The following FLI1 variants were observed in gnomAD, a reference collection of about 807,000 sequenced individuals.
FLI1 encodes Fli-1 proto-oncogene, ETS transcription factor.
FLI1 carries 13 observed loss-of-function variants against 53.1 expected under a neutral mutation model. The observed-to-expected ratio is 0.24, with a 90% CI of 0.16 to 0.39. FLI1 has a LOEUF of 0.39. Ranked by LOEUF, FLI1 falls within the 10% of genes least tolerant of loss-of-function variation. The probability of loss-of-function intolerance (pLI) is 1.00; values close to 1 mark genes in which losing one functional copy is unlikely to be tolerated. For synonymous variants in FLI1, 244 were observed against 236.7 expected, an observed-to-expected ratio of 1.03 and a Z score of -0.28; for missense variants, 424 against 600.5, an observed-to-expected ratio of 0.71 and a Z score of 3.07.
intron 2 of FLI1, among the ~76,000 whole-genome samples, chr11:128,764,017 C>T (rs1941232379): frequency 6.6e-6 from 1 of 152,188 alleles, no homozygotes; most frequent in South Asian, 2.1e-4. Context: ...CTAATGCAGC[C>T]ATGTGACTTA....
chr11:128,767,564 T>C (rs980641392), intron 2 of FLI1, among the ~76,000 whole-genome samples: 2 of 152,230 alleles, frequency 1.3e-5, no homozygotes, highest in Non-Finnish European at 2.9e-5. Flanking sequence ...ATTAAACTTA[T>C]ATATGTGCAA....
At chr11:128,723,276 C>T (rs949158165) in intron 1 of FLI1, among the ~76,000 whole-genome samples, 1 of 152,130 alleles carries the variant, frequency 6.6e-6, no homozygotes, top group Admixed American at 6.5e-5. Flanking sequence ...CAAGTGGGGG[C>T]TCAGGCAGTG....
At position 128,787,867 on chromosome 11, in the gene FLI1, C is replaced by T. The variant is rs368482670; in HGVS notation, c.655+5844C>T. On this transcript the variant is annotated intron_variant, in intron 5 of 8. Transcript: ENST00000527786. ...TGTCGCTCAGGCTGGAGTGCGGTGGCGTGATCTCGGCTCACTGCAAGCTCC... is the reference window on the plus strand; with the variant it reads ...TGTCGCTCAGGCTGGAGTGCGGTGGTGTGATCTCGGCTCACTGCAAGCTCC... Among the ~76,000 whole-genome samples, 11 of 141,708 alleles carry T rather than the reference C, an allele frequency of 7.8e-5. No homozygotes were observed. In the South Asian group the frequency reaches 8.9e-4, roughly 12 times the overall value. 93.0% of individuals were successfully genotyped at this position (141,708 alleles called of 152,430 possible). A position where few individuals can be genotyped will look rare whatever the true frequency, so the allele number is the denominator to read the frequency against.
chr11:128,771,681 C>T (rs539928398), intron 3 of FLI1, among the ~76,000 whole-genome samples: 7 of 152,258 alleles, frequency 4.6e-5, no homozygotes, highest in Non-Finnish European at 1.0e-4. Context: ...GGCTAATGGC[C>T]GACTTACAAT....
At chr11:128,738,867 T>C (rs1940013182) in intron 1 of FLI1, among the ~76,000 whole-genome samples, 1 of 152,380 alleles carries the variant, frequency 6.6e-6, no homozygotes, top group Non-Finnish European at 1.5e-5. Flanking sequence ...GCTACATTTC[T>C]GCTCTGGAGT....
chr11:128,788,361 C>A (rs943634150), intron 5 of FLI1, among the ~76,000 whole-genome samples: 4 of 151,772 alleles, frequency 2.6e-5, no homozygotes, highest in African/African-American at 9.7e-5. Flanking sequence ...CCCAGCTACC[C>A]GGGAGGCTGA....
chr11:128,801,318 C>T (rs376608062), intron 5 of FLI1, among the ~76,000 whole-genome samples: 3 of 152,260 alleles, frequency 2.0e-5, no homozygotes, highest in African/African-American at 7.2e-5. Context: ...GGGTCAGCTC[C>T]CTGGTTCAGG....
rs1157923422 is a variant in FLI1 at position 128,809,266 on chromosome 11, C to T, written c.829+62C>T. 2.1e-6 allele frequency: 3 copies of T among 1,419,094 alleles called. No individual in the cohort carries two copies. In the Admixed American group the frequency reaches 5.0e-5, roughly 24 times the overall value. The allele number at this position is 1,419,094 out of a possible 1,614,324, so 87.9% of individuals were successfully genotyped here. ...AATGTTTCGTAGCTTTGTGAAATCACAGAGACTTCTGTCCTAAGTCCAGAC... is the reference window on the plus strand; with the variant it reads ...AATGTTTCGTAGCTTTGTGAAATCATAGAGACTTCTGTCCTAAGTCCAGAC... On this transcript the variant is annotated intron_variant, in intron 8 of 8. Transcript: ENST00000527786.
chr11:128,720,759 C>G (rs1939218579), intron 1 of FLI1, among the ~76,000 whole-genome samples: 1 of 152,236 alleles, frequency 6.6e-6, no homozygotes, highest in Non-Finnish European at 1.5e-5. Flanking sequence ...GCGGGCCCTG[C>G]TCAGTGACTC....
chr11:128,775,157 A>G (rs1469997617), intron 4 of FLI1, among the ~76,000 whole-genome samples: 1 of 152,156 alleles, frequency 6.6e-6, no homozygotes, highest in African/African-American at 2.4e-5. Context: ...GCAGATATCC[A>G]GAGTGGAGGA....
intron 1 of FLI1, among the ~76,000 whole-genome samples, chr11:128,716,180 A>C (rs1424896989): frequency 6.6e-6 from 1 of 152,236 alleles, no homozygotes; most frequent in Non-Finnish European, 1.5e-5. Context: ...AATCATAGCA[A>C]AAGCACCAGG....
Position 128,811,131 on chromosome 11 carries a change from C to A in FLI1, c.*143C>A. 1 of 797,108 alleles carries A rather than the reference C, an allele frequency of 1.3e-6. No individual in the cohort carries two copies. 49.4% of individuals were successfully genotyped at this position (797,108 alleles called of 1,614,324 possible). On this transcript the variant is annotated 3_prime_UTR_variant, in exon 9 of 9. Transcript: ENST00000527786. ...GTTGGATAGAACCTTTGTATTTGTTCTTTAAAAACATTTTTTTTAATGTTG... is the reference window on the plus strand; with the variant it reads ...GTTGGATAGAACCTTTGTATTTGTTATTTAAAAACATTTTTTTTAATGTTG...
chr11:128,706,836 C>T (rs886459053), intron 1 of FLI1, among the ~76,000 whole-genome samples: 1 of 152,180 alleles, frequency 6.6e-6, no homozygotes, highest in African/African-American at 2.4e-5. Flanking sequence ...AGATTTTTCT[C>T]TTTAAAAGGA....
chr11:128,731,414 G>A (rs1939693338), intron 1 of FLI1, among the ~76,000 whole-genome samples: 1 of 151,920 alleles, frequency 6.6e-6, no homozygotes, highest in Non-Finnish European at 1.5e-5. Context: ...CGGTCTGCTC[G>A]TGTAACTTTT....
chr11:128,766,483 G>A (rs913194576), intron 2 of FLI1, among the ~76,000 whole-genome samples: 3 of 152,016 alleles, frequency 2.0e-5, no homozygotes, highest in South Asian at 2.1e-4. Flanking sequence ...AAAAATTACC[G>A]TCTGACTTCT....
chr11:128,787,763 C>A (rs1466130493), intron 5 of FLI1, among the ~76,000 whole-genome samples: 1 of 150,602 alleles, frequency 6.6e-6, no homozygotes, highest in Non-Finnish European at 1.5e-5. Context: ...TATTATAGTA[C>A]AAATTCTAAT....
chr11:128,686,422 G>T (rs1468502822), upstream of FLI1: 1 of 456,248 alleles, frequency 2.2e-6, no homozygotes, highest in Admixed American at 2.3e-5. Context: ...AGTTCTCACC[G>T]TCCCCTGGCC....
At chr11:128,763,044 C>G (rs747392134) in intron 2 of FLI1, among the ~76,000 whole-genome samples, 1 of 152,090 alleles carries the variant, frequency 6.6e-6, no homozygotes, top group South Asian at 2.1e-4. Context: ...CTGGACTGTT[C>G]TGTGATTCAC....
intron 1 of FLI1, among the ~76,000 whole-genome samples, chr11:128,703,842 C>CAAAAA (rs35230795): frequency 2.2e-4 from 10 of 45,924 alleles, no homozygotes; most frequent in Non-Finnish European, 2.9e-4. Flanking sequence ...GACTCCGTCT[C>CAAAAA]AAAAAAAAAA....
Sources: gnomAD v4.1 joint callset for allele counts (sites outside exome capture counted in the v4.1 genomes callset) on GRCh38, gnomAD v4.1.1 for gene constraint, MANE v1.5 for transcripts, NCBI Gene and HGNC (gene_info 2026-07-23, HGNC 2026-07-21) for gene names.